SLA2: variants seen among roughly 807,000 people sequenced by gnomAD.
The protein encoded by SLA2 is Src like adaptor 2, also known as src-like-adapter 2.
A neutral mutation model predicts 27.3 loss-of-function variants in SLA2; 22 were observed. The ratio of observed to expected loss-of-function variants is 0.81; its 90% confidence interval spans 0.58 to 1.15. The LOEUF (loss-of-function observed/expected upper bound fraction) is 1.15. SLA2 is among the 50% of genes most tolerant of loss of function. SLA2 has a pLI of 0.00. For missense variants in SLA2, 304 were observed against 322.2 expected (o/e 0.94, Z 0.43); for synonymous variants, 131 against 137.8 (o/e 0.95, Z 0.34).
rs112210693 is a variant in SLA2 at position 36,635,109 on chromosome 20, G to A, written c.92-520C>T. On this transcript the variant is annotated intron_variant, in intron 2 of 7. Coordinates refer to ENST00000262866, the MANE Select transcript of SLA2 (RefSeq NM_032214.4). ...CCAATTTCAAGGCTGGGCATCAGGC[G>A]GCAAGGGCACCCTCAGCACAGCACC... Among the ~76,000 whole-genome samples, 9 of 151,996 alleles carry A rather than the reference G, an allele frequency of 5.9e-5. No individual in the cohort carries two copies. In the East Asian group the frequency reaches 7.8e-4, roughly 13 times the overall value.
intron 5 of SLA2, among the ~76,000 whole-genome samples, chr20:36,632,014 C>G (rs914459053): frequency 6.6e-6 from 1 of 152,040 alleles, no homozygotes; most frequent in Admixed American, 6.6e-5. Flanking sequence ...CTAAACTGAC[C>G]CCCCATCTCC....
At chr20:36,632,867 AT>A (rs1254028489) in intron 4 of SLA2, among the ~76,000 whole-genome samples, 169 bp from the exon 5 acceptor site, 2 of 152,120 alleles carry the variant, frequency 1.3e-5, no homozygotes, top group Non-Finnish European at 2.9e-5. Flanking sequence ...GGTCCATGCC[AT>A]TTTTGTCCTC....
chr20:36,631,787 C>T (rs563501505), intron 5 of SLA2, among the ~76,000 whole-genome samples: 3 of 152,336 alleles, frequency 2.0e-5, no homozygotes, highest in South Asian at 4.1e-4. Context: ...TACAGTAGGT[C>T]CTGTCCTTCC....
chr20:36,614,702 GGAA>G, intron 6 of SLA2: 1 of 985,354 alleles, frequency 1.0e-6, no homozygotes, highest in African/African-American at 1.7e-5. Context: ...AATTGCTTTG[GGAA>G]GAAGAAAGCT....
intron 5 of SLA2, among the ~76,000 whole-genome samples, chr20:36,619,453 G>A (rs2039255462): frequency 6.6e-6 from 1 of 151,144 alleles, no homozygotes; most frequent in Non-Finnish European, 1.5e-5. Context: ...TTGAACCTGG[G>A]AGCAGGAGGT....
At position 36,613,608 on chromosome 20, in the gene SLA2, T is replaced by C; in HGVS notation, c.*258A>G. ...AGACCCCCCAGGAGGCTTATTCTCT[T>C]TTTGGAACCCTGGCCCTGGTCCCAC... On this transcript the variant is annotated 3_prime_UTR_variant, in exon 8 of 8. Transcript: ENST00000262866. 1 of 381,858 alleles carries C rather than the reference T, an allele frequency of 2.6e-6. No individual in the cohort carries two copies. 23.7% of individuals were successfully genotyped at this position (381,858 alleles called of 1,614,324 possible).
At chr20:36,642,325 G>T in intron 1 of SLA2, among the ~76,000 whole-genome samples, 1 of 134,748 alleles carries the variant, frequency 7.4e-6, no homozygotes, top group East Asian at 2.2e-4. Context: ...CAACATACAG[G>T]TCCGAGAGAT....
At position 36,631,734 on chromosome 20, in the gene SLA2, C is replaced by CCAT. The variant is rs529415444; in HGVS notation, c.382+858_382+860dup. 6.7e-3 allele frequency among the ~76,000 whole-genome samples: 1,028 copies of CCAT among 152,314 alleles called. 11 individuals carry two copies. The highest frequency in any genetic ancestry group is 0.024 in the African/African-American group (985 of 41,558). ...CCCAGGAGCTCCCTGAGAGCAGGGA[C>CCAT]CATGGCCACCTCACTCAGCAGAGAT... On this transcript the variant is annotated intron_variant, in intron 5 of 7. Transcript: ENST00000262866.
intron 2 of SLA2, among the ~76,000 whole-genome samples, chr20:36,636,007 C>T (rs959010364): frequency 4.7e-4 from 71 of 152,304 alleles, no homozygotes; most frequent in African/African-American, 1.6e-3. Flanking sequence ...TAGTTGGTTA[C>T]GGGTTTAGCA....
intron 2 of SLA2, among the ~76,000 whole-genome samples, chr20:36,636,231 C>T (rs910563008): frequency 6.8e-6 from 1 of 146,842 alleles, no homozygotes; most frequent in East Asian, 2.0e-4. Flanking sequence ...TCCTGGCTAA[C>T]AAGGTGAAAC....
In SLA2 at chr20:36,615,271, C is replaced by G; in HGVS notation, c.486G>C (p.Pro162=). 6.2e-7 allele frequency: 1 copy of G among 1,614,064 alleles called. No individual in the cohort carries two copies. The highest frequency in any genetic ancestry group is 8.5e-7 in the Non-Finnish European group (1 of 1,180,016). Residue 162 remains proline, a synonymous_variant, in exon 6 of 8, where the codon CCG becomes CCC. Coordinates refer to ENST00000262866, the MANE Select transcript of SLA2 (RefSeq NM_032214.4). ...CLDNGWLYIS[P]RLTFPSLQAL... ...CCTGGAGTGAGGGGAAGGTGAGGCG[C>G]GGTGAGATGTACAGCCAGCCATTGT...
chr20:36,644,563 A>C (rs1453969729), intron 1 of SLA2, among the ~76,000 whole-genome samples: 2 of 152,206 alleles, frequency 1.3e-5, no homozygotes, highest in Non-Finnish European at 2.9e-5. Context: ...AGATGGAGAC[A>C]GGGGAGCTGT....
intron 6 of SLA2, 138 bp downstream of exon 6, chr20:36,615,087 G>A: frequency 1.4e-6 from 2 of 1,476,318 alleles, no homozygotes; most frequent in Non-Finnish European, 1.8e-6. Context: ...TTGGCATAGG[G>A]ACTGGCGTGA....
chr20:36,619,303 A>G (rs2039253228), intron 5 of SLA2, among the ~76,000 whole-genome samples: 1 of 149,988 alleles, frequency 6.7e-6, no homozygotes, highest in African/African-American at 2.4e-5. Flanking sequence ...AGGTGGGTGG[A>G]TCACCTGAGG....
At chr20:36,616,683 C>T (rs1368396589) in intron 5 of SLA2, among the ~76,000 whole-genome samples, 6 of 152,150 alleles carry the variant, frequency 3.9e-5, no homozygotes, top group African/African-American at 9.7e-5. Flanking sequence ...GCCCAGATGG[C>T]GTGCAGTGGC....
rs549118601 is a variant in SLA2 at position 36,634,717 on chromosome 20, C to G, written c.92-128G>C. ...ACAAGCACCCTGAGGGAGTCCCATC[C>G]ACTTCCTAAGAGGGCCACCCTGGAA... is the stretch of plus-strand genomic sequence containing the variant. On this transcript the variant is annotated intron_variant, in intron 2 of 7. Transcript: ENST00000262866. The G allele has an allele frequency of 4.3e-4, 234 of 538,508 alleles. 1 individual carries two copies. The highest frequency in any genetic ancestry group is 4.3e-3 in the African/African-American group (219 of 51,086). The allele number at this position is 538,508 out of a possible 1,614,324, so 33.4% of individuals were successfully genotyped here. A position where few individuals can be genotyped will look rare whatever the true frequency, so the allele number is the denominator to read the frequency against.
At chr20:36,617,928 A>T (rs2039233365) in intron 5 of SLA2, among the ~76,000 whole-genome samples, 1 of 151,890 alleles carries the variant, frequency 6.6e-6, no homozygotes, top group African/African-American at 2.4e-5. Flanking sequence ...CAGGCAGATC[A>T]CGAGGTCAGG....
chr20:36,627,446 C>T (rs1469827558), intron 5 of SLA2, among the ~76,000 whole-genome samples: 1 of 152,200 alleles, frequency 6.6e-6, no homozygotes, highest in African/African-American at 2.4e-5. Flanking sequence ...ATGTTGCACC[C>T]TCCACTGTCT....
Position 36,632,688 on chromosome 20 carries a change from CA to C in SLA2, c.288del (p.Tyr96Ter). ...TCTGCTTTCTCCCTGCTCAGGCCCT[CA>C]TACAGCCACCTGGCGGAGCGAAAGA... ...HVAKVSHGWL[Y>X]EGLSREKAEE... is the part of the protein sequence containing the mutation. On this transcript the variant is annotated frameshift_variant, in exon 5 of 8. Transcript: ENST00000262866. LOFTEE classifies it high-confidence loss of function. 6.2e-7 allele frequency: 1 copy of C among 1,613,866 alleles called. No homozygotes were observed. Among genetic ancestry groups the C allele is most frequent in the South Asian group, 1.1e-5 (1 of 91,068 alleles).
Sources: allele counts gnomAD v4.1 joint callset (sites outside exome capture counted in the v4.1 genomes callset), GRCh38; gene constraint gnomAD v4.1.1; transcripts MANE v1.5; gene names NCBI Gene and HGNC (gene_info 2026-07-23, HGNC 2026-07-21).